Variants in LRGUK observed in about 807,000 individuals in gnomAD.
The protein encoded by LRGUK is leucine rich repeats and guanylate kinase domain containing.
A neutral mutation model predicts 76.0 loss-of-function variants in LRGUK; 65 were observed. That is an observed-to-expected ratio of 0.85 (90% confidence interval 0.70 to 1.05). LRGUK has a LOEUF of 1.05. LRGUK is among the 50% of genes least tolerant of loss of function. LRGUK has a pLI of 0.00. For missense variants in LRGUK, 758 were observed against 732.8 expected, an observed-to-expected ratio of 1.03 and a Z score of -0.40; for synonymous variants, 268 against 265.6, an observed-to-expected ratio of 1.01 and a Z score of -0.09.
downstream of LRGUK, among the ~76,000 whole-genome samples, chr7:134,268,717 CTTTTTTTTTT>C (rs71531815): frequency 4.4e-3 from 253 of 57,356 alleles, 1 homozygote; most frequent in Non-Finnish European, 5.9e-3. Context: ...TGCAAAAAAT[CTTTTTTTTTT>C]TTTTTTTTTT....
chr7:134,158,995 A>G (rs1319936355), intron 6 of LRGUK, among the ~76,000 whole-genome samples: 1 of 152,096 alleles, frequency 6.6e-6, no homozygotes, highest in Admixed American at 6.6e-5. Flanking sequence ...TAGCTTGTAA[A>G]TTTCTTACAA....
downstream of LRGUK, among the ~76,000 whole-genome samples, chr7:134,265,835 T>C (rs1002747150): frequency 2.0e-5 from 3 of 152,202 alleles, no homozygotes; most frequent in South Asian, 2.1e-4. Flanking sequence ...GAGGAACCTC[T>C]TCTCCTTCCC....
intron 4 of LRGUK, among the ~76,000 whole-genome samples, chr7:134,144,550 A>G (rs1359147736): frequency 2.0e-5 from 3 of 152,230 alleles, no homozygotes; most frequent in South Asian, 2.1e-4. Context: ...TTTAATTAAA[A>G]AGTCATTTTA....
chr7:134,185,131 T>G (rs1296449208), intron 11 of LRGUK, among the ~76,000 whole-genome samples: 1 of 152,230 alleles, frequency 6.6e-6, no homozygotes, highest in Non-Finnish European at 1.5e-5. Context: ...AGCAAATATT[T>G]TGCTTAGTGA....
intron 6 of LRGUK, among the ~76,000 whole-genome samples, chr7:134,161,048 CTCATG>C (rs1216010395): frequency 6.6e-6 from 1 of 152,062 alleles, no homozygotes; most frequent in Non-Finnish European, 1.5e-5. Flanking sequence ...CCTCACTATT[CTCATG>C]TCATCTACCA....
At chr7:134,257,631 C>A (rs1802617927) in intron 18 of LRGUK, among the ~76,000 whole-genome samples, 1 of 149,362 alleles carries the variant, frequency 6.7e-6, no homozygotes, top group Admixed American at 6.6e-5. Context: ...CATGGCATAA[C>A]CCCATCTCTA....
At chr7:134,201,406 A>G in intron 14 of LRGUK, 75 bp from the exon 15 acceptor site, 4 of 1,152,492 alleles carry the variant, frequency 3.5e-6, no homozygotes, top group Non-Finnish European at 5.2e-6. Context: ...TAAACAAATC[A>G]TTACCACCGA....
At chr7:134,138,530 A>G (rs367759835) in intron 2 of LRGUK, among the ~76,000 whole-genome samples, 1 of 152,144 alleles carries the variant, frequency 6.6e-6, no homozygotes, top group East Asian at 1.9e-4. Flanking sequence ...GCTCTCTTCC[A>G]TCATTGCATT....
At chr7:134,247,482 G>T in intron 16 of LRGUK, 74 bp from the exon 17 acceptor site, 3 of 1,104,688 alleles carry the variant, frequency 2.7e-6, no homozygotes, top group Middle Eastern at 2.0e-4. Flanking sequence ...GTACCAAAGA[G>T]AATTATTATA....
intron 16 of LRGUK, among the ~76,000 whole-genome samples, chr7:134,230,860 G>A (rs1243683020): frequency 6.6e-6 from 1 of 152,228 alleles, no homozygotes; most frequent in African/African-American, 2.4e-5. Flanking sequence ...TAAAAGTCAG[G>A]AGAGTGCTTA....
At chr7:134,137,736 C>T (rs1026352163) in intron 2 of LRGUK, among the ~76,000 whole-genome samples, 2 of 152,110 alleles carry the variant, frequency 1.3e-5, no homozygotes, top group African/African-American at 4.8e-5. Flanking sequence ...ATACTTGCTT[C>T]TTTCCTCATT....
chr7:134,269,106 A>T (rs1427981233), downstream of LRGUK, among the ~76,000 whole-genome samples: 2 of 152,116 alleles, frequency 1.3e-5, no homozygotes, highest in Non-Finnish European at 2.9e-5. Flanking sequence ...TACCAGTTGT[A>T]CAAAGAGCTA....
chr7:134,222,605 T>C (rs1399482950), intron 16 of LRGUK, among the ~76,000 whole-genome samples: 3 of 151,798 alleles, frequency 2.0e-5, no homozygotes, highest in African/African-American at 7.3e-5. Flanking sequence ...TTTTGTTTTG[T>C]TTTTGTTTTG....
At chr7:134,173,877 G>T (rs931297703) in intron 7 of LRGUK, among the ~76,000 whole-genome samples, 1 of 152,178 alleles carries the variant, frequency 6.6e-6, no homozygotes, top group African/African-American at 2.4e-5. Context: ...TTGGGAGGCT[G>T]TGGCAGGCGG....
chr7:134,162,122 C>T (rs1355994149), intron 6 of LRGUK, among the ~76,000 whole-genome samples: 3 of 152,130 alleles, frequency 2.0e-5, no homozygotes, highest in Non-Finnish European at 4.4e-5. Flanking sequence ...GTTTGGTTAT[C>T]TACTGTTGCA....
chr7:134,270,422 T>C, the LRGUK span, among the ~76,000 whole-genome samples: 1 of 152,114 alleles, frequency 6.6e-6, no homozygotes, highest in Non-Finnish European at 1.5e-5. Context: ...CCATAATATA[T>C]CCACTTTAAG....
At chr7:134,129,530 T>G (rs1325054147) in intron 1 of LRGUK, among the ~76,000 whole-genome samples, 3 of 146,122 alleles carry the variant, frequency 2.1e-5, no homozygotes, top group African/African-American at 5.1e-5. Context: ...TGGAATACAG[T>G]GGTACAGTCA....
At chr7:134,134,529 G>C (rs1403945753) in intron 1 of LRGUK, among the ~76,000 whole-genome samples, 1 of 152,152 alleles carries the variant, frequency 6.6e-6, no homozygotes, top group African/African-American at 2.4e-5. Context: ...ATTGTGCAGA[G>C]TGCTGCCTTC....
chr7:134,172,899 G>A (rs995751997), intron 7 of LRGUK, among the ~76,000 whole-genome samples: 1 of 151,974 alleles, frequency 6.6e-6, no homozygotes, highest in African/African-American at 2.4e-5. Context: ...AGGTAGGAAG[G>A]TTCCTTGAGC....
Sources: gnomAD v4.1 joint callset for allele counts (sites outside exome capture counted in the v4.1 genomes callset) on GRCh38, gnomAD v4.1.1 for gene constraint, MANE v1.5 for transcripts, NCBI Gene and HGNC (gene_info 2026-07-23, HGNC 2026-07-21) for gene names.